RREB1: variants seen among roughly 807,000 people sequenced by gnomAD.
RREB1 encodes the protein ras-responsive element-binding protein 1.
A neutral mutation model predicts 117.8 loss-of-function variants in RREB1; 27 were observed. The ratio of observed to expected loss-of-function variants is 0.23; its 90% CI spans 0.17 to 0.32. The LOEUF is 0.32. RREB1 is among the 10% of genes least tolerant of loss of function. The probability of loss-of-function intolerance (pLI) is 1.00; values close to 1 mark genes in which losing one functional copy is unlikely to be tolerated. For synonymous variants in RREB1, 1,298 were observed against 1,026.7 expected, an observed-to-expected ratio of 1.26 and a Z score of -5.05; for missense variants, 2,577 against 2,378.2, an observed-to-expected ratio of 1.08 and a Z score of -1.74.
Position 7,246,411 on chromosome 6 carries a change from G to A in RREB1, c.3974-13G>A. ...TGCCCCTCTGAGCCCTCCCCGCTGT[G>A]CTTGCCCCACAGACAGTCAGTCGGA... On this transcript the variant is annotated splice_polypyrimidine_tract_variant and intron_variant, in intron 11 of 12. Coordinates refer to ENST00000379938, the MANE Select transcript of RREB1 (RefSeq NM_001003699.4). The A allele has an allele frequency of 1.4e-6, 2 of 1,468,526 alleles. No individual in the cohort carries two copies. The highest frequency in any genetic ancestry group is 1.4e-5 in the African/African-American group (1 of 71,386). The allele number at this position is 1,468,526 out of a possible 1,614,324, so 91.0% of individuals were successfully genotyped here.
intron 6 of RREB1, among the ~76,000 whole-genome samples, chr6:7,204,475 G>A (rs929614959): frequency 3.3e-5 from 5 of 152,206 alleles, no homozygotes; most frequent in South Asian, 4.1e-4. Flanking sequence ...TGTAGGTTGT[G>A]CAGCTGTGGG....
chr6:7,110,759 TAAA>T (rs1267432655), intron 1 of RREB1, among the ~76,000 whole-genome samples: 2 of 152,266 alleles, frequency 1.3e-5, no homozygotes, highest in Non-Finnish European at 2.9e-5. Context: ...AAAATACTGC[TAAA>T]CTGGTTGCAT....
chr6:7,131,085 C>T (rs1762139356), intron 1 of RREB1, among the ~76,000 whole-genome samples: 2 of 151,698 alleles, frequency 1.3e-5, no homozygotes, highest in Admixed American at 6.6e-5. Context: ...ACTACAGGCG[C>T]CCGCCACTGC....
At position 7,240,464 on chromosome 6, in the gene RREB1, T is replaced by TGC; in HGVS notation, c.3837_3838dup (p.Asp1280AlafsTer26). 3.1e-6 allele frequency: 5 copies of TGC among 1,613,906 alleles called. No homozygotes were observed. The highest frequency in any genetic ancestry group is 4.2e-6 in the Non-Finnish European group (5 of 1,179,908). On this transcript the variant is annotated frameshift_variant, in exon 11 of 13. Coordinates refer to ENST00000379938, the MANE Select transcript of RREB1 (RefSeq NM_001003699.4). LOFTEE classifies it high-confidence loss of function. ...TCAGAAACCCTTCCCTTGTCAAAAA[T>TGC]GCGATGCCTTCTTTTCTACCAAATC...
intron 1 of RREB1, among the ~76,000 whole-genome samples, chr6:7,147,365 G>T (rs1174156630): frequency 6.6e-6 from 1 of 152,192 alleles, no homozygotes; most frequent in Non-Finnish European, 1.5e-5. Flanking sequence ...CAGAAAAGAG[G>T]TCTTCCTTTT....
At chr6:7,231,989 C>T in intron 10 of RREB1, 82 bp downstream of exon 10, 1 of 1,357,744 alleles carries the variant, frequency 7.4e-7, no homozygotes, top group Non-Finnish European at 1.0e-6. Context: ...AAGCGAGACC[C>T]ATCTCCCACA....
rs111228879 is a variant in RREB1, at chr6:7,159,463, C to T, written c.-284-17192C>T. ...AGGATGTCTCCCCTCTCGTTCCTTTCCAGAGGATGAGTTCTGTTTTAAAAT... is the reference window on the plus strand; with the variant it reads ...AGGATGTCTCCCCTCTCGTTCCTTTTCAGAGGATGAGTTCTGTTTTAAAAT... On this transcript the variant is annotated intron_variant, in intron 1 of 12. Coordinates refer to ENST00000379938, the MANE Select transcript of RREB1 (RefSeq NM_001003699.4). Among the ~76,000 whole-genome samples, 148 of 152,288 alleles carry T rather than the reference C, an allele frequency of 9.7e-4. 1 individual carries two copies. The highest frequency in any genetic ancestry group is 1.6e-3 in the Non-Finnish European group (106 of 68,028).
At chr6:7,191,429 A>G (rs548021813) in intron 6 of RREB1, among the ~76,000 whole-genome samples, 2 of 152,236 alleles carry the variant, frequency 1.3e-5, no homozygotes, top group African/African-American at 4.8e-5. Context: ...TGCTGTTGAC[A>G]TTGTTGTACG....
At chr6:7,170,326 G>A (rs897232530) in intron 1 of RREB1, among the ~76,000 whole-genome samples, 3 of 152,156 alleles carry the variant, frequency 2.0e-5, no homozygotes, top group South Asian at 2.1e-4. Context: ...CCAGGGCTGC[G>A]TGTCTCCCCT....
intron 6 of RREB1, among the ~76,000 whole-genome samples, chr6:7,193,172 T>G (rs1025877424): frequency 1.3e-4 from 20 of 152,262 alleles, no homozygotes; most frequent in Non-Finnish European, 2.6e-4. Context: ...ATTTCTAGTT[T>G]CGTTCCATTA....
chr6:7,246,429 C>A lies in RREB1; in HGVS notation c.3979C>A (p.Gln1327Lys). ...DVGSHDSTDS[Q>K]SDAETAAAAG... ...CCGCTGTGCTTGCCCCACAGACAGT[C>A]AGTCGGATGCGGAGACTGCAGCCGC... is the stretch of plus-strand genomic sequence containing the variant. The change falls in exon 12 of 13, where the codon CAG becomes AAG. Residue 1327 changes from glutamine to lysine, a missense_variant. Coordinates refer to ENST00000379938, the MANE Select transcript of RREB1 (RefSeq NM_001003699.4). 1 of 1,481,134 alleles carries A rather than the reference C, an allele frequency of 6.8e-7. No homozygotes were observed. Among genetic ancestry groups the A allele is most frequent in the South Asian group, 1.3e-5 (1 of 74,698 alleles). 91.7% of individuals were successfully genotyped at this position (1,481,134 alleles called of 1,614,324 possible).
chr6:7,187,970 A>G (rs924672021), intron 5 of RREB1, among the ~76,000 whole-genome samples: 13 of 152,036 alleles, frequency 8.6e-5, no homozygotes, highest in African/African-American at 3.1e-4. Context: ...AGCCTGGCCA[A>G]CATGGTCCAG....
chr6:7,110,150 G>A (rs529457855), intron 1 of RREB1, among the ~76,000 whole-genome samples: 6 of 152,246 alleles, frequency 3.9e-5, no homozygotes, highest in African/African-American at 1.2e-4. Flanking sequence ...GCATGTGTGC[G>A]AGTTGATTCT....
chr6:7,230,395 C>G lies in RREB1; in HGVS notation c.2296C>G (p.Arg766Gly). The change falls in exon 10 of 13, where the codon CGT (arginine) becomes GGT (glycine). Residue 766 changes from arginine (R) to glycine (G), a missense_variant. Physicochemically the swap from Arg to Gly is moderately radical, Grantham distance 125 (BLOSUM62 -2). Coordinates refer to ENST00000379938, the MANE Select transcript of RREB1 (RefSeq NM_001003699.4). Reference sequence around the variant, plus strand: ...GTGCGGCGAGGACCTCAAGCACTATCGTGCCCTGCGCATCCACATGCGCAC... The same window carrying G: ...GTGCGGCGAGGACCTCAAGCACTATGGTGCCCTGCGCATCCACATGCGCAC... ...RLCGEDLKHY[R>G]ALRIHMRTHC... The G allele has an allele frequency of 1.9e-6, 3 of 1,592,706 alleles. No individual in the cohort carries two copies. The highest frequency in any genetic ancestry group is 2.6e-6 in the Non-Finnish European group (3 of 1,174,854).
In RREB1 at chr6:7,246,668, G is replaced by A. The variant is rs960507837; in HGVS notation, c.4218G>A (p.Ala1406=). The A allele has an allele frequency of 3.2e-6, 5 of 1,580,360 alleles. No individual in the cohort carries two copies. The highest frequency in any genetic ancestry group is 2.3e-5 in the South Asian group (2 of 86,344). The change falls in exon 12 of 13, where the codon GCG becomes GCA. Residue 1406 remains alanine (A), a synonymous_variant. Transcript: ENST00000379938. ...TEESTGDADG[A]EEDASSNQSL... ...AGAGCACTGGGGACGCCGACGGCGC[G>A]GAAGAGGACGCGTCGAGCAACCAGA...
rs778639578 is a variant in RREB1 at position 7,181,923 on chromosome 6, T to A, written c.12T>A (p.Ser4Arg). 6.2e-7 allele frequency: 1 copy of A among 1,614,150 alleles called. No individual in the cohort carries two copies. Among genetic ancestry groups the A allele is most frequent in the African/African-American group, 1.3e-5 (1 of 74,956 alleles). The change falls in exon 4 of 13, where the codon AGT (serine) becomes AGA (arginine). Residue 4 changes from serine to arginine, a missense_variant. Physicochemically the swap from Ser to Arg is moderately radical, Grantham distance 110. Transcript: ENST00000379938. ...AAACCCCTGTCCCAATGACGTCAAGTTCGCCCGCTGGCTTGGAAGGTTCAG... is the reference window on the plus strand; with the variant it reads ...AAACCCCTGTCCCAATGACGTCAAGATCGCCCGCTGGCTTGGAAGGTTCAG... Reference protein sequence around the residue: MTSSSPAGLEGSDL... With the variant: MTSRSPAGLEGSDL...
At chr6:7,201,889 G>A (rs1766006474) in intron 6 of RREB1, among the ~76,000 whole-genome samples, 1 of 152,184 alleles carries the variant, frequency 6.6e-6, no homozygotes, top group Non-Finnish European at 1.5e-5. Flanking sequence ...TCTGTTGGTA[G>A]ATGGTGTACT....
chr6:7,189,336 C>T lies in RREB1; in HGVS notation c.425+14C>T, dbSNP rs1488037439. On this transcript the variant is annotated intron_variant, in intron 6 of 12. Coordinates refer to ENST00000379938, the MANE Select transcript of RREB1 (RefSeq NM_001003699.4). ...GAACATGCACAGGTGGGTGAGGGCG[C>T]CCTTTGCTTGGGGGGTTGGCTGGTA... The T allele has an allele frequency of 3.2e-6, 5 of 1,558,422 alleles. No individual in the cohort carries two copies. Among genetic ancestry groups the T allele is most frequent in the Admixed American group, 3.8e-5 (2 of 52,780 alleles).
rs1483514755 is a variant in RREB1 at position 7,230,333 on chromosome 6, T to G, written c.2234T>G (p.Val745Gly). 6.3e-7 allele frequency: 1 copy of G among 1,589,734 alleles called. No individual in the cohort carries two copies. Among genetic ancestry groups the G allele is most frequent in the Non-Finnish European group, 8.5e-7 (1 of 1,173,012 alleles). The change falls in exon 10 of 13, where the codon GTG becomes GGG. Residue 745 changes from valine to glycine, a missense_variant. Physicochemically the swap from Val to Gly is moderately radical, Grantham distance 109. Coordinates refer to ENST00000379938, the MANE Select transcript of RREB1 (RefSeq NM_001003699.4). ...GTGAGTAGCAGCGCGGCCGAGCTGG[T>G]GGACGCCTTCTGCGCCCCGGACACC... ...EYVSSSAAELVDAFCAPDTVC... is the reference protein window; with the variant it reads ...EYVSSSAAELGDAFCAPDTVC...
Sources: allele counts gnomAD v4.1 joint callset (sites outside exome capture counted in the v4.1 genomes callset), GRCh38; gene constraint gnomAD v4.1.1; transcripts MANE v1.5; gene names NCBI Gene and HGNC (gene_info 2026-07-23, HGNC 2026-07-21).